Variants in OR6C2 observed in about 807,000 individuals in gnomAD.
OR6C2 encodes olfactory receptor family 6 subfamily C member 2, also known as olfactory receptor 6C2.
For synonymous variants in OR6C2, 146 were observed against 134.2 expected, an observed-to-expected ratio of 1.09 and a Z score of -0.61; for missense variants, 435 against 365.8, an observed-to-expected ratio of 1.19 and a Z score of -1.54.
intron 1 of OR6C2, among the ~76,000 whole-genome samples, chr12:55,445,239 A>T (rs938472439): frequency 6.6e-6 from 1 of 152,142 alleles, no homozygotes; most frequent in East Asian, 1.9e-4. Flanking sequence ...CATCTCTCTT[A>T]ACAGATTTGT....
intron 1 of OR6C2, among the ~76,000 whole-genome samples, chr12:55,451,095 G>A (rs1189258246): frequency 6.6e-6 from 1 of 151,820 alleles, no homozygotes; most frequent in Non-Finnish European, 1.5e-5. Context: ...TTAGATACAG[G>A]GAGGTAATAT....
At position 55,452,510 on chromosome 12, in the gene OR6C2, A is replaced by T; in HGVS notation, c.297A>T (p.Ile99=). ...CCTACAATGCTTGTGCCAGTCAAAT[A>T]TTCTTTGTTATTCTCTTTGGAGCAA... The part of the protein sequence containing the change: ...TITYNACASQ[I]FFVILFGATE... Residue 99 remains isoleucine (I), a synonymous_variant, in exon 2 of 2, where the codon ATA becomes ATT. Transcript: ENST00000641202. 1 of 1,613,924 alleles carries T rather than the reference A, an allele frequency of 6.2e-7. No homozygotes were observed. The highest frequency in any genetic ancestry group is 8.5e-7 in the Non-Finnish European group (1 of 1,179,860).
Position 55,453,014 on chromosome 12 carries a change from C to A in OR6C2, c.801C>A (p.Ala267=). 1.2e-6 allele frequency: 2 copies of A among 1,613,560 alleles called. No individual in the cohort carries two copies. Among genetic ancestry groups the A allele is most frequent in the South Asian group, 2.2e-5 (2 of 91,078 alleles). Residue 267 remains alanine (A), a synonymous_variant, in exon 2 of 2, where the codon GCC becomes GCA. Coordinates refer to ENST00000641202, the MANE Select transcript of OR6C2 (RefSeq NM_054105.2). ...AGCCCTCTGCAAAAGATGAGGTGGC[C>A]ATAAATAAAGGAGTTTCAGTTCTTA... ...YIKPSAKDEV[A]INKGVSVLTT... is the part of the protein sequence containing the mutation.
At chr12:55,449,489 C>T (rs182782179) in intron 1 of OR6C2, among the ~76,000 whole-genome samples, 293 of 151,900 alleles carry the variant, frequency 1.9e-3, no homozygotes, top group Middle Eastern at 3.4e-3. Context: ...CCTAAAGATC[C>T]ACTGATCCTA....
intron 1 of OR6C2, among the ~76,000 whole-genome samples, chr12:55,450,984 T>C (rs1276715704): frequency 1.3e-5 from 2 of 151,908 alleles, no homozygotes; most frequent in Admixed American, 6.6e-5. Flanking sequence ...AAAGCATAAA[T>C]TGAGTAGGGG....
At chr12:55,448,449 A>G (rs1871402059) in intron 1 of OR6C2, among the ~76,000 whole-genome samples, 1 of 149,778 alleles carries the variant, frequency 6.7e-6, no homozygotes, top group African/African-American at 2.4e-5. Context: ...AGTCACAGTT[A>G]TTTTTTCACT....
intron 1 of OR6C2, among the ~76,000 whole-genome samples, chr12:55,445,816 C>T (rs567842186): frequency 5.9e-5 from 9 of 152,218 alleles, no homozygotes; most frequent in South Asian, 2.1e-4. Flanking sequence ...ATGTCAAGGG[C>T]GGGCAACAAA....
Position 55,444,138 on chromosome 12 carries a change from T to A in OR6C2, c.-909T>A, listed in dbSNP as rs1871324745. 6.6e-6 allele frequency: 1 copy of A among 152,150 alleles called. No homozygotes were observed. The highest frequency in any genetic ancestry group is 1.9e-4 in the East Asian group (1 of 5,190). The allele number at this position is 152,150 out of a possible 1,614,324, so 9.4% of individuals were successfully genotyped here. A position where few individuals can be genotyped will look rare whatever the true frequency, so the allele number is the denominator to read the frequency against. Reference sequence around the variant, plus strand: ...TGCCACCTGAAATCGTGAAAAATTATCAAAACAGTAAGTATTTTAAGGTAG... The same window carrying A: ...TGCCACCTGAAATCGTGAAAAATTAACAAAACAGTAAGTATTTTAAGGTAG... On this transcript the variant is annotated 5_prime_UTR_variant, in exon 1 of 2. Transcript: ENST00000641202.
chr12:55,444,370 A>C (rs1302821950), intron 1 of OR6C2, among the ~76,000 whole-genome samples: 1 of 152,204 alleles, frequency 6.6e-6, no homozygotes, highest in African/African-American at 2.4e-5. Flanking sequence ...TCACACATGC[A>C]GTAGTTTGTG....
At chr12:55,450,795 TAGAA>T (rs1871453873) in intron 1 of OR6C2, among the ~76,000 whole-genome samples, 11 of 151,920 alleles carry the variant, frequency 7.2e-5, no homozygotes, top group Admixed American at 7.2e-4. Context: ...AAGACAGATA[TAGAA>T]AGAATATCAG....
chr12:55,451,283 T>G (rs1170362444), intron 1 of OR6C2, 44 bp from the exon 2 acceptor site: 1 of 151,978 alleles, frequency 6.6e-6, no homozygotes, highest in Non-Finnish European at 1.5e-5. Flanking sequence ...TTGTACCTAT[T>G]AACCATTCCC....
Position 55,452,968 on chromosome 12 carries a change from G to A in OR6C2, c.755G>A (p.Ser252Asn). ...HMIVVSIAYG[S>N]CIFIYIKPSA... ...ATTGTGGTTTCCATTGCCTATGGAAGCTGCATCTTCATCTATATCAAGCCC... is the reference window on the plus strand; with the variant it reads ...ATTGTGGTTTCCATTGCCTATGGAAACTGCATCTTCATCTATATCAAGCCC... Residue 252 changes from serine (S) to asparagine (N), a missense_variant, in exon 2 of 2, where the codon AGC (serine) becomes AAC (asparagine). Physicochemically the swap from Ser to Asn is conservative, Grantham distance 46 (BLOSUM62 1). Coordinates refer to ENST00000641202, the MANE Select transcript of OR6C2 (RefSeq NM_054105.2). 1.2e-6 allele frequency: 2 copies of A among 1,613,670 alleles called. No homozygotes were observed.
chr12:55,444,666 A>G (rs1288706158), intron 1 of OR6C2, among the ~76,000 whole-genome samples: 1 of 152,148 alleles, frequency 6.6e-6, no homozygotes, highest in African/African-American at 2.4e-5. Context: ...CAAGGCGTAG[A>G]AGACTATTTC....
Position 55,452,637 on chromosome 12 carries a change from T to A in OR6C2, c.424T>A (p.Leu142Ile), listed in dbSNP as rs752150758. The change falls in exon 2 of 2, where the codon TTA (leucine) becomes ATA (isoleucine). Residue 142 changes from leucine (L) to isoleucine (I), a missense_variant. Leu to Ile is a conservative substitution (Grantham distance 5). Coordinates refer to ENST00000641202, the MANE Select transcript of OR6C2 (RefSeq NM_054105.2). ...VIMNNRVCTLLVLCCWVAGLM... is the reference protein window; with the variant it reads ...VIMNNRVCTLIVLCCWVAGLM... ...CATGAACAACAGGGTGTGTACCTTA[T>A]TAGTTCTCTGCTGTTGGGTGGCTGG... 6.2e-7 allele frequency: 1 copy of A among 1,613,686 alleles called. No individual in the cohort carries two copies. The highest frequency in any genetic ancestry group is 1.3e-5 in the African/African-American group (1 of 74,870).
At chr12:55,450,110 A>G (rs1470356125) in intron 1 of OR6C2, among the ~76,000 whole-genome samples, 1 of 152,072 alleles carries the variant, frequency 6.6e-6, no homozygotes, top group African/African-American at 2.4e-5. Flanking sequence ...GAAAATAAGG[A>G]TATATAAAAT....
In OR6C2 at chr12:55,453,189, G is replaced by C; in HGVS notation, c.*37G>C. On this transcript the variant is annotated 3_prime_UTR_variant, in exon 2 of 2. Transcript: ENST00000641202. ...AATTGGCATAAAGTGAATGAAGAAG[G>C]CTCCCTAAATGTCATCCTACAGCTT... The C allele has an allele frequency of 6.8e-7, 1 of 1,477,590 alleles. No individual in the cohort carries two copies. The highest frequency in any genetic ancestry group is 2.3e-5 in the East Asian group (1 of 43,748). The allele number at this position is 1,477,590 out of a possible 1,614,324, so 91.5% of individuals were successfully genotyped here.
chr12:55,450,808 A>G (rs1871454242), intron 1 of OR6C2, among the ~76,000 whole-genome samples: 1 of 152,094 alleles, frequency 6.6e-6, no homozygotes, highest in Non-Finnish European at 1.5e-5. Flanking sequence ...AAAGAATATC[A>G]GTATTAGACA....
chr12:55,452,722 A>G lies in OR6C2; in HGVS notation c.509A>G (p.Asn170Ser), dbSNP rs1440531029. The change falls in exon 2 of 2, where the codon AAT (asparagine) becomes AGT (serine). Residue 170 changes from asparagine (N) to serine (S), a missense_variant. By Grantham distance (46) the Asn-to-Ser change is conservative. Coordinates refer to ENST00000641202, the MANE Select transcript of OR6C2 (RefSeq NM_054105.2). ...CTCCAGCTCGAATTCTGTGACTCCA[A>G]TGCCATTGATCATTTTAGCTGTGAT... ...LGLQLEFCDS[N>S]AIDHFSCDAG... The G allele has an allele frequency of 7.4e-6, 12 of 1,613,854 alleles. No homozygotes were observed. The highest frequency in any genetic ancestry group is 1.1e-5 in the South Asian group (1 of 91,080).
rs59178718 is a variant in OR6C2, at chr12:55,448,643, CAA to C, written c.-887-2669_-887-2668del. Among the ~76,000 whole-genome samples the C allele has an allele frequency of 7.0e-4, 50 of 71,712 alleles. 1 individual carries two copies. The highest frequency in any genetic ancestry group is 2.1e-3 in the African/African-American group (40 of 19,430). The allele number at this position is 71,712 out of a possible 152,430, so 47.0% of individuals were successfully genotyped here. A position where few individuals can be genotyped will look rare whatever the true frequency, so the allele number is the denominator to read the frequency against. On this transcript the variant is annotated intron_variant, in intron 1 of 1. Transcript: ENST00000641202. Reference sequence around the variant, plus strand: ...TCCTGTATCTGGCTTCCATTCACTGCAAAAAAAAAAAAAAAAGAAAGAAAAGA... The same window carrying C: ...TCCTGTATCTGGCTTCCATTCACTGCAAAAAAAAAAAAAAGAAAGAAAAGA...
Sources: gnomAD v4.1 joint callset for allele counts (sites outside exome capture counted in the v4.1 genomes callset) on GRCh38, gnomAD v4.1.1 for gene constraint, MANE v1.5 for transcripts, NCBI Gene and HGNC (gene_info 2026-07-23, HGNC 2026-07-21) for gene names.